Variants in KANK1 observed in about 807,000 individuals in gnomAD.
The protein encoded by KANK1 is KN motif and ankyrin repeat domain-containing protein 1.
A neutral mutation model predicts 106.2 loss-of-function variants in KANK1; 109 were observed. That is an observed-to-expected ratio of 1.03 (90% CI 0.88 to 1.20). The LOEUF is 1.20. KANK1 is among the 50% of genes most tolerant of loss of function. The pLI is 0.00. For missense variants in KANK1, 2,399 were observed against 1,710.7 expected, an observed-to-expected ratio of 1.40 and a Z score of -7.10; for synonymous variants, 873 against 652.2, an observed-to-expected ratio of 1.34 and a Z score of -5.16.
intron 1 of KANK1, among the ~76,000 whole-genome samples, chr9:545,853 C>G (rs796844203): frequency 1.7e-4 from 26 of 149,274 alleles, no homozygotes; most frequent in African/African-American, 4.4e-4. Flanking sequence ...TCAGGTGATT[C>G]TTCTGCCTCA....
At chr9:516,865 A>G (rs1289572454) in intron 1 of KANK1, among the ~76,000 whole-genome samples, 1 of 151,586 alleles carries the variant, frequency 6.6e-6, no homozygotes, top group Non-Finnish European at 1.5e-5. Context: ...CCTTCAGGTG[A>G]TTAGGAATTT....
chr9:700,459 G>C (rs986245978), intron 2 of KANK1, among the ~76,000 whole-genome samples: 2 of 152,200 alleles, frequency 1.3e-5, no homozygotes, highest in Non-Finnish European at 2.9e-5. Flanking sequence ...TCCTGGAAAA[G>C]TTGATGTGCT....
intron 5 of KANK1, 87 bp from the exon 6 acceptor site, chr9:732,291 C>A: frequency 6.8e-7 from 1 of 1,470,834 alleles, no homozygotes; most frequent in Non-Finnish European, 9.1e-7. Context: ...TTTCTGGAGT[C>A]AATTAGCAAA....
chr9:501,698 T>C (rs563477388), upstream of KANK1, among the ~76,000 whole-genome samples: 26 of 147,678 alleles, frequency 1.8e-4, no homozygotes, highest in African/African-American at 6.7e-4. Flanking sequence ...CTGAGAGTAT[T>C]TTAATTTTCT....
At chr9:614,023 C>G (rs1831201642) in intron 1 of KANK1, among the ~76,000 whole-genome samples, 1 of 152,176 alleles carries the variant, frequency 6.6e-6, no homozygotes, top group Non-Finnish European at 1.5e-5. Flanking sequence ...CCAAGCATCT[C>G]TGGGTGGCAC....
intron 1 of KANK1, among the ~76,000 whole-genome samples, chr9:617,260 A>G (rs2136289525): frequency 6.6e-6 from 1 of 152,270 alleles, no homozygotes; most frequent in African/African-American, 2.4e-5. Flanking sequence ...GTATTCTACA[A>G]CTTCACTCGT....
At chr9:558,526 T>C (rs1341136594) in intron 1 of KANK1, among the ~76,000 whole-genome samples, 6 of 152,224 alleles carry the variant, frequency 3.9e-5, no homozygotes, top group Admixed American at 3.9e-4. Flanking sequence ...ATTGACCTCA[T>C]GGCGAAGAGC....
chr9:687,866 T>C (rs1818924233), intron 2 of KANK1, among the ~76,000 whole-genome samples: 1 of 152,214 alleles, frequency 6.6e-6, no homozygotes, highest in South Asian at 2.1e-4. Context: ...GTCACTAATC[T>C]TATAAACTTG....
At chr9:615,769 C>T (rs1831665872) in intron 1 of KANK1, among the ~76,000 whole-genome samples, 1 of 152,162 alleles carries the variant, frequency 6.6e-6, no homozygotes, top group African/African-American at 2.4e-5. Context: ...CATTTAAAGA[C>T]AGAAGATAGT....
intron 1 of KANK1, among the ~76,000 whole-genome samples, chr9:541,839 C>T (rs2060617438): frequency 6.6e-6 from 1 of 152,132 alleles, no homozygotes; most frequent in African/African-American, 2.4e-5. Flanking sequence ...CCTGTAATCC[C>T]AGCACTTTGG....
At chr9:721,307 T>A (rs982745272) in intron 3 of KANK1, among the ~76,000 whole-genome samples, 1 of 152,148 alleles carries the variant, frequency 6.6e-6, no homozygotes, top group African/African-American at 2.4e-5. Context: ...AGTCACCTAA[T>A]TTATATAGGT....
intron 1 of KANK1, among the ~76,000 whole-genome samples, chr9:604,952 G>A (rs1588173620): frequency 6.6e-6 from 1 of 151,950 alleles, no homozygotes; most frequent in South Asian, 2.1e-4. Flanking sequence ...GTGTGAAAAT[G>A]GACTAATGCA....
intron 1 of KANK1, among the ~76,000 whole-genome samples, chr9:662,775 C>G (rs1193600194): frequency 1.3e-5 from 2 of 151,184 alleles, no homozygotes; most frequent in African/African-American, 4.9e-5. Flanking sequence ...GATTCTCCTG[C>G]CTCAGTCTCC....
At chr9:625,245 A>T (rs1035649542) in intron 1 of KANK1, among the ~76,000 whole-genome samples, 1 of 152,238 alleles carries the variant, frequency 6.6e-6, no homozygotes, top group African/African-American at 2.4e-5. Context: ...TTTTTAGTAC[A>T]GTTTTATAAG....
intron 2 of KANK1, among the ~76,000 whole-genome samples, chr9:679,645 C>A (rs1481690866): frequency 1.3e-5 from 2 of 152,148 alleles, no homozygotes; most frequent in East Asian, 3.9e-4. Context: ...GAACTCATGA[C>A]TTCAGGTGAT....
intron 3 of KANK1, among the ~76,000 whole-genome samples, chr9:489,566 C>G (rs1023490324): frequency 9.9e-5 from 15 of 152,268 alleles, no homozygotes; most frequent in Admixed American, 3.9e-4. Flanking sequence ...ATTTGAAAAT[C>G]AGACAGAGAT....
chr9:724,993 C>G (rs1830299440), intron 3 of KANK1, among the ~76,000 whole-genome samples: 1 of 152,144 alleles, frequency 6.6e-6, no homozygotes, highest in African/African-American at 2.4e-5. Flanking sequence ...TAGGGGACAT[C>G]AAGTCACATA....
chr9:591,189 TTATTATAAA>T (rs1824786068), intron 1 of KANK1, among the ~76,000 whole-genome samples: 1 of 151,958 alleles, frequency 6.6e-6, no homozygotes, highest in African/African-American at 2.4e-5. Context: ...TAAATGTCTT[TTATTATAAA>T]AGTATGTTAG....
Position 734,823 on chromosome 9 carries a change from C to G in KANK1, c.3321C>G (p.Thr1107=), listed in dbSNP as rs773329807. ...CTATAAATGACCCCAAAGCTTTGAC[C>G]AGCAAAGATATGGTGAGTCTGACCT... is the stretch of plus-strand genomic sequence containing the variant. ...KNTINDPKAL[T]SKDMRFCLNT... is the part of the protein sequence containing the mutation. The change falls in exon 7 of 12, where the codon ACC becomes ACG. Residue 1107 remains threonine (T), a synonymous_variant. Transcript: ENST00000382297. The G allele has an allele frequency of 6.2e-7, 1 of 1,612,316 alleles. No homozygotes were observed. Among genetic ancestry groups the G allele is most frequent in the Admixed American group, 1.7e-5 (1 of 60,012 alleles).
Sources: gnomAD v4.1 joint callset for allele counts (sites outside exome capture counted in the v4.1 genomes callset) on GRCh38, gnomAD v4.1.1 for gene constraint, MANE v1.5 for transcripts, NCBI Gene and HGNC (gene_info 2026-07-23, HGNC 2026-07-21) for gene names.